Variants in IL1RAPL2 observed in about 807,000 individuals in gnomAD.
IL1RAPL2 encodes interleukin 1 receptor accessory protein like 2.
A neutral mutation model predicts 44.1 loss-of-function variants in IL1RAPL2; 3 were observed. The ratio of observed to expected loss-of-function variants is 0.07; its 90% CI spans 0.03 to 0.18. IL1RAPL2 has a LOEUF of 0.18. Among genes scored for constraint, IL1RAPL2 ranks in the 10% least tolerant of loss-of-function variants. The probability of loss-of-function intolerance (pLI) is 1.00; values close to 1 mark genes in which losing one functional copy is unlikely to be tolerated. For missense variants in IL1RAPL2, 391 were observed against 496.4 expected, an observed-to-expected ratio of 0.79 and a Z score of 2.02; for synonymous variants, 181 against 178.8, an observed-to-expected ratio of 1.01 and a Z score of -0.10.
chrX:105,671,937 G>T (rs1464088405), intron 6 of IL1RAPL2, among the ~76,000 whole-genome samples: 3 of 110,337 alleles, frequency 2.7e-5, no homozygotes, highest in African/African-American at 6.6e-5. Flanking sequence ...TTCTGTTTTT[G>T]AGCCCATCTA....
intron 2 of IL1RAPL2, among the ~76,000 whole-genome samples, chrX:104,835,543 A>T (rs1160379682): frequency 9.0e-6 from 1 of 111,463 alleles, no homozygotes; most frequent in African/African-American, 3.3e-5. Context: ...TTAGATTTGA[A>T]TTTTTTTGAC....
In IL1RAPL2 at chrX:105,220,361, G is replaced by A. The variant is rs781841588; in HGVS notation, c.357-13457G>A. ...ATGAAGGCCACCACGTTGCTATGCC[G>A]GAACCCGCTACTGGGGTCCTCAGGT... On this transcript the variant is annotated intron_variant, in intron 3 of 10. Coordinates refer to ENST00000372582, the MANE Select transcript of IL1RAPL2 (RefSeq NM_017416.2). 1.0e-5 allele frequency: 12 copies of A among 1,197,199 alleles called. No individual in the cohort carries two copies. The East Asian group carries it at 2.7e-4, about 27-fold the overall frequency.
At chrX:104,653,121 G>A (rs974555655) in intron 1 of IL1RAPL2, among the ~76,000 whole-genome samples, 1 of 111,119 alleles carries the variant, frequency 9.0e-6, no homozygotes, top group Non-Finnish European at 1.9e-5. Context: ...CTGCTGATGG[G>A]AGGCTTCTCC....
chrX:105,138,473 C>CAAAAAAAAA (rs371757842), intron 2 of IL1RAPL2, among the ~76,000 whole-genome samples: 5 of 54,446 alleles, frequency 9.2e-5, no homozygotes, highest in Non-Finnish European at 1.7e-4. Flanking sequence ...ATATAATTAC[C>CAAAAAAAAA]AAAAAAAAAA....
intron 2 of IL1RAPL2, among the ~76,000 whole-genome samples, chrX:105,135,022 A>T (rs1405383764): frequency 1.9e-5 from 2 of 104,158 alleles, no homozygotes; most frequent in African/African-American, 7.4e-5. Context: ...TGGAAAAGCC[A>T]TATCTTACTT....
chrX:104,781,459 T>C (rs1350760596), intron 2 of IL1RAPL2, among the ~76,000 whole-genome samples: 1 of 111,987 alleles, frequency 8.9e-6, no homozygotes, highest in Admixed American at 9.5e-5. Context: ...GTGGTTTAAA[T>C]AATATAGAAA....
At chrX:105,382,312 T>C (rs1409624382) in intron 5 of IL1RAPL2, among the ~76,000 whole-genome samples, 2 of 107,765 alleles carry the variant, frequency 1.9e-5, no homozygotes, top group African/African-American at 3.6e-5. Flanking sequence ...GGGCGAAGGA[T>C]ATGAACAGAC....
At chrX:105,675,674 T>C (rs866727141) in intron 6 of IL1RAPL2, among the ~76,000 whole-genome samples, 5 of 111,721 alleles carry the variant, frequency 4.5e-5, no homozygotes, top group Middle Eastern at 4.2e-3. Flanking sequence ...GCTGGCCTCA[T>C]AGAATGAGTT....
At chrX:105,392,821 G>A (rs2035536273) in intron 5 of IL1RAPL2, among the ~76,000 whole-genome samples, 1 of 112,500 alleles carries the variant, frequency 8.9e-6, no homozygotes, top group Non-Finnish European at 1.9e-5. Flanking sequence ...GTTTTCTCCA[G>A]ATTCTGACTT....
chrX:104,582,640 C>CTT lies in IL1RAPL2; in HGVS notation c.-20+15590_-20+15591insTT, dbSNP rs1190837162. ...TCTTTCTTTCTTTCTTTCTTTCTTT[C>CTT]TCTCTTTCTTTCTTTCTTTTTTTTC... On this transcript the variant is annotated intron_variant, in intron 1 of 10. Coordinates refer to ENST00000372582, the MANE Select transcript of IL1RAPL2 (RefSeq NM_017416.2). Among the ~76,000 whole-genome samples the CTT allele has an allele frequency of 2.7e-3, 141 of 52,586 alleles. 2 individuals carry two copies. The highest frequency in any genetic ancestry group is 1.0e-2 in the African/African-American group (127 of 12,726). 45.7% of individuals were successfully genotyped at this position (52,586 alleles called of 115,157 possible). A position where few individuals can be genotyped will look rare whatever the true frequency, so the allele number is the denominator to read the frequency against.
intron 2 of IL1RAPL2, among the ~76,000 whole-genome samples, chrX:105,068,958 A>G (rs145454858): frequency 0.039 from 4,365 of 112,242 alleles, 228 homozygotes; most frequent in African/African-American, 0.13. Flanking sequence ...GGTTTCTGGA[A>G]CACCTCACAG....
At chrX:105,622,272 C>CAATAAA (rs2037424085) in intron 6 of IL1RAPL2, among the ~76,000 whole-genome samples, 2 of 82,798 alleles carry the variant, frequency 2.4e-5, no homozygotes, top group Admixed American at 2.4e-4. Context: ...AATTAAAAGT[C>CAATAAA]AATAAAAATA....
chrX:105,433,454 T>C (rs1016626783), intron 5 of IL1RAPL2, among the ~76,000 whole-genome samples: 5 of 111,504 alleles, frequency 4.5e-5, no homozygotes, highest in African/African-American at 1.6e-4. Context: ...TAATATTCCT[T>C]CAAGCAAACA....
In IL1RAPL2 at chrX:105,063,110, G is replaced by C. The variant is rs1343666986; in HGVS notation, c.83-132365G>C. The stretch of plus-strand genomic sequence containing the variant: ...GTTATTTTCTAGATCTTGGAGGCAT[G>C]CTTTATTGTTTTTTATTCTTTTTCC... On this transcript the variant is annotated intron_variant, in intron 2 of 10. Transcript: ENST00000372582. 1.3e-4 allele frequency among the ~76,000 whole-genome samples: 14 copies of C among 110,932 alleles called. No homozygotes were observed. In the Admixed American group the frequency reaches 1.3e-3, roughly 11 times the overall value.
intron 1 of IL1RAPL2, among the ~76,000 whole-genome samples, chrX:104,594,281 C>T (rs1394453087): frequency 8.9e-6 from 1 of 112,216 alleles, no homozygotes; most frequent in East Asian, 2.8e-4. Context: ...TTGGAAACTC[C>T]CATATCTTTC....
At chrX:104,790,217 T>C (rs1229291018) in intron 2 of IL1RAPL2, among the ~76,000 whole-genome samples, 1 of 112,268 alleles carries the variant, frequency 8.9e-6, no homozygotes, top group African/African-American at 3.2e-5. Context: ...TGCTGGGATA[T>C]TAACTTAGCC....
chrX:105,099,419 G>A (rs1015667768), intron 2 of IL1RAPL2, among the ~76,000 whole-genome samples: 2 of 105,312 alleles, frequency 1.9e-5, no homozygotes, highest in African/African-American at 3.5e-5. Context: ...ATCATTTGGC[G>A]AGAGCAGGAG....
chrX:105,329,685 G>T (rs1365635987), intron 5 of IL1RAPL2, among the ~76,000 whole-genome samples: 3 of 111,172 alleles, frequency 2.7e-5, no homozygotes, highest in African/African-American at 9.8e-5. Flanking sequence ...ATCTGGGCTT[G>T]CACTGTACTG....
intron 3 of IL1RAPL2, among the ~76,000 whole-genome samples, chrX:105,205,850 G>A (rs782217864): frequency 3.9e-4 from 43 of 110,014 alleles, no homozygotes; most frequent in Admixed American, 8.8e-4. Flanking sequence ...TGATTACTTT[G>A]GTTGCCTGGC....
Sources: allele counts gnomAD v4.1 joint callset (sites outside exome capture counted in the v4.1 genomes callset), GRCh38; gene constraint gnomAD v4.1.1; transcripts MANE v1.5; gene names NCBI Gene and HGNC (gene_info 2026-07-23, HGNC 2026-07-21).